Variants in ZRANB3 observed in about 807,000 individuals in gnomAD.
ZRANB3 encodes DNA annealing helicase and endonuclease ZRANB3.
A neutral mutation model predicts 133.8 loss-of-function variants in ZRANB3; 125 were observed. The ratio of observed to expected loss-of-function variants is 0.93; its 90% CI spans 0.81 to 1.08. ZRANB3 has a LOEUF of 1.08. ZRANB3 is among the 50% of genes least tolerant of loss of function. The probability of loss-of-function intolerance (pLI) is 0.00; values close to 1 mark genes in which losing one functional copy is unlikely to be tolerated. For missense variants in ZRANB3, 1,229 were observed against 1,275.5 expected (o/e 0.96, Z 0.56); for synonymous variants, 387 against 432.7 (o/e 0.89, Z 1.31).
At chr2:135,523,541 A>T (rs772098562) in intron 1 of ZRANB3, among the ~76,000 whole-genome samples, 20 of 151,354 alleles carry the variant, frequency 1.3e-4, no homozygotes, top group Non-Finnish European at 2.6e-4. Context: ...AACGGAAACA[A>T]TATTAATAAA....
At chr2:135,273,333 TATAAGGG>T (rs1472335421) in intron 9 of ZRANB3, among the ~76,000 whole-genome samples, 1 of 152,212 alleles carries the variant, frequency 6.6e-6, no homozygotes, top group Non-Finnish European at 1.5e-5. Context: ...TATTCACTTT[TATAAGGG>T]AATATCCAAG....
At chr2:135,236,605 G>T (rs1183647591) in intron 12 of ZRANB3, among the ~76,000 whole-genome samples, 1 of 151,994 alleles carries the variant, frequency 6.6e-6, no homozygotes, top group South Asian at 2.1e-4. Context: ...AGACCAATGG[G>T]ACAGAACAGA....
intron 2 of ZRANB3, among the ~76,000 whole-genome samples, chr2:135,403,671 C>T (rs1687854667): frequency 6.6e-6 from 1 of 152,236 alleles, no homozygotes; most frequent in South Asian, 2.1e-4. Flanking sequence ...GGGTCCCTGA[C>T]CACCGAGTAG....
intron 12 of ZRANB3, among the ~76,000 whole-genome samples, chr2:135,242,734 T>G (rs59207245): frequency 0.088 from 13,448 of 152,202 alleles, 796 homozygotes; most frequent in South Asian, 0.24. Context: ...TTCTTCACTT[T>G]TCCTATATCT....
chr2:135,217,121 G>T lies in ZRANB3; in HGVS notation c.2495+344C>A, dbSNP rs141364636. ...AGGGCAAAGCAGATGGGGTCCAGAG[G>T]CATGCTCTGATGTTCTAAGAGTAAA... On this transcript the variant is annotated intron_variant, in intron 17 of 20. Transcript: ENST00000264159. Among the ~76,000 whole-genome samples, 6 of 152,262 alleles carry T rather than the reference G, an allele frequency of 3.9e-5. No individual in the cohort carries two copies. The East Asian group carries it at 9.7e-4, about 25-fold the overall frequency.
At chr2:135,451,306 A>C (rs1159592827) in intron 2 of ZRANB3, among the ~76,000 whole-genome samples, 5 of 152,160 alleles carry the variant, frequency 3.3e-5, no homozygotes, top group Admixed American at 1.3e-4. Context: ...TCATGCCTGT[A>C]ATCGCAGCAC....
intron 2 of ZRANB3, among the ~76,000 whole-genome samples, chr2:135,401,778 A>C (rs895215382): frequency 6.6e-6 from 1 of 152,186 alleles, no homozygotes; most frequent in African/African-American, 2.4e-5. Flanking sequence ...ACTCCTGTTA[A>C]CTGCAGGAGA....
chr2:135,263,397 C>T (rs1680060134), intron 12 of ZRANB3, among the ~76,000 whole-genome samples: 1 of 152,098 alleles, frequency 6.6e-6, no homozygotes, highest in Non-Finnish European at 1.5e-5. Context: ...AAAAATGACG[C>T]AGTAAAGATA....
chr2:135,469,970 C>T (rs539378876), intron 2 of ZRANB3, among the ~76,000 whole-genome samples: 4 of 149,720 alleles, frequency 2.7e-5, no homozygotes, highest in African/African-American at 7.4e-5. Context: ...TGAGATCACA[C>T]CACTGCACTC....
intron 6 of ZRANB3, among the ~76,000 whole-genome samples, chr2:135,324,256 G>A (rs556032495): frequency 2.6e-4 from 36 of 137,502 alleles, no homozygotes; most frequent in African/African-American, 8.3e-4. Flanking sequence ...AACAGGCCCC[G>A]GTGTGTGATG....
At chr2:135,283,980 C>G (rs536979237) in intron 8 of ZRANB3, among the ~76,000 whole-genome samples, 3 of 152,130 alleles carry the variant, frequency 2.0e-5, no homozygotes, top group Admixed American at 6.5e-5. Context: ...GAGACCCTGA[C>G]CCTTAAAAAA....
intron 8 of ZRANB3, among the ~76,000 whole-genome samples, chr2:135,289,093 T>A (rs1362130011): frequency 6.6e-6 from 1 of 152,144 alleles, no homozygotes; most frequent in Non-Finnish European, 1.5e-5. Flanking sequence ...AGCACTGTTT[T>A]TGCTGTATCC....
intron 2 of ZRANB3, among the ~76,000 whole-genome samples, chr2:135,480,018 C>T (rs1252101846): frequency 6.6e-6 from 1 of 151,778 alleles, no homozygotes; most frequent in Non-Finnish European, 1.5e-5. Flanking sequence ...ACTGCAAGCT[C>T]CGCCTCCTGG....
At chr2:135,479,068 T>A (rs753983751) in intron 2 of ZRANB3, among the ~76,000 whole-genome samples, 1 of 151,928 alleles carries the variant, frequency 6.6e-6, no homozygotes, top group Non-Finnish European at 1.5e-5. Context: ...AACAATAGTA[T>A]AAGACAGTTA....
chr2:135,245,275 A>G (rs559270983), intron 12 of ZRANB3, among the ~76,000 whole-genome samples: 3 of 152,330 alleles, frequency 2.0e-5, no homozygotes, highest in Admixed American at 1.3e-4. Context: ...CATGTCATCA[A>G]CTGTGCTTTC....
chr2:135,252,250 T>C (rs1327250041), intron 12 of ZRANB3, among the ~76,000 whole-genome samples: 1 of 152,138 alleles, frequency 6.6e-6, no homozygotes, highest in African/African-American at 2.4e-5. Flanking sequence ...GGTACTGGGC[T>C]TAATACCTGG....
At chr2:135,213,461 A>G (rs1458039085) in intron 17 of ZRANB3, among the ~76,000 whole-genome samples, 2 of 152,230 alleles carry the variant, frequency 1.3e-5, no homozygotes, top group Non-Finnish European at 2.9e-5. Context: ...TGGGTTCTGC[A>G]GCAAGAATCA....
chr2:135,203,439 G>A (rs1693709784), intron 19 of ZRANB3, among the ~76,000 whole-genome samples: 1 of 151,864 alleles, frequency 6.6e-6, no homozygotes, highest in Non-Finnish European at 1.5e-5. Flanking sequence ...CTAACACGGT[G>A]AAACCCCGTC....
At chr2:135,474,064 G>A (rs559526402) in intron 2 of ZRANB3, among the ~76,000 whole-genome samples, 3 of 152,008 alleles carry the variant, frequency 2.0e-5, no homozygotes, top group South Asian at 2.1e-4. Flanking sequence ...GGTGGCTTGC[G>A]TCTCTAGTCT....
Sources: gnomAD v4.1 joint callset for allele counts (sites outside exome capture counted in the v4.1 genomes callset) on GRCh38, gnomAD v4.1.1 for gene constraint, MANE v1.5 for transcripts, NCBI Gene and HGNC (gene_info 2026-07-23, HGNC 2026-07-21) for gene names.